Variants in TACR1 observed in about 807,000 individuals in gnomAD.
TACR1 encodes substance-P receptor.
A neutral mutation model predicts 35.8 loss-of-function variants in TACR1; 25 were observed. The observed-to-expected ratio is 0.70, with a 90% CI of 0.51 to 0.98. TACR1 has a LOEUF of 0.98. Ranked by LOEUF, TACR1 falls within the 50% of genes least tolerant of loss-of-function variation. TACR1 has a pLI of 0.00. For missense variants in TACR1, 478 were observed against 522.9 expected (o/e 0.91, Z 0.84); for synonymous variants, 195 against 206.7 (o/e 0.94, Z 0.48).
At chr2:75,056,251 A>G (rs375592697) in intron 2 of TACR1, among the ~76,000 whole-genome samples, 8 of 152,220 alleles carry the variant, frequency 5.3e-5, no homozygotes, top group Non-Finnish European at 1.2e-4. Flanking sequence ...TGTTTCAGGC[A>G]GAGCTAATTC....
chr2:75,151,245 C>T (rs1674662919), intron 1 of TACR1, among the ~76,000 whole-genome samples: 1 of 152,218 alleles, frequency 6.6e-6, no homozygotes, highest in African/African-American at 2.4e-5. Flanking sequence ...TCCCCAAGAC[C>T]ATGGGGAAAA....
At chr2:75,063,578 T>G (rs1441400930) in intron 2 of TACR1, among the ~76,000 whole-genome samples, 2 of 152,240 alleles carry the variant, frequency 1.3e-5, no homozygotes, top group Non-Finnish European at 2.9e-5. Flanking sequence ...GATTTAAATT[T>G]GCACTTGGAC....
rs145053954 is a variant in TACR1 at position 75,048,629 on chromosome 2, C to A, written c.*803G>T. 6.6e-6 allele frequency: 1 copy of A among 151,828 alleles called. No homozygotes were observed. The highest frequency in any genetic ancestry group is 1.5e-5 in the Non-Finnish European group (1 of 67,984). The allele number at this position is 151,828 out of a possible 1,614,324, so 9.4% of individuals were successfully genotyped here. ...AAAAACTCATACAATCCTTGAACCA[C>A]GGGATGTTAAGATTCGAAGGAACAC... On this transcript the variant is annotated 3_prime_UTR_variant, in exon 5 of 5. Coordinates refer to ENST00000305249, the MANE Select transcript of TACR1 (RefSeq NM_001058.4).
At chr2:75,084,371 T>G (rs539779749) in intron 2 of TACR1, among the ~76,000 whole-genome samples, 1 of 152,244 alleles carries the variant, frequency 6.6e-6, no homozygotes, top group African/African-American at 2.4e-5. Context: ...TCATCAGGGA[T>G]ATTGGTCTAA....
chr2:75,051,272 A>T lies in TACR1; in HGVS notation c.911T>A (p.Ile304Asn), dbSNP rs772444222. The change falls in exon 4 of 5, where the codon ATC (isoleucine) becomes AAC (asparagine). Residue 304 changes from isoleucine to asparagine, a missense_variant. Coordinates refer to ENST00000305249, the MANE Select transcript of TACR1 (RefSeq NM_001058.4). Reference sequence around the variant, plus strand: ...TCACCTGTCATTGAGGCAGCAGTAGATGATGGGGTTGTACATGGTGGAGCT... The same window carrying T: ...TCACCTGTCATTGAGGCAGCAGTAGTTGATGGGGTTGTACATGGTGGAGCT... Reference protein sequence around the residue: ...AMSSTMYNPIIYCCLNDRFRL... With the variant: ...AMSSTMYNPINYCCLNDRFRL... 1 of 1,614,218 alleles carries T rather than the reference A, an allele frequency of 6.2e-7. No homozygotes were observed. Among genetic ancestry groups the T allele is most frequent in the Admixed American group, 1.7e-5 (1 of 60,028 alleles).
chr2:75,113,739 G>T (rs923594870), intron 2 of TACR1, among the ~76,000 whole-genome samples: 2 of 151,908 alleles, frequency 1.3e-5, no homozygotes, highest in Non-Finnish European at 2.9e-5. Flanking sequence ...GGGGAAGAGA[G>T]TAATCACAAC....
chr2:75,138,572 A>C (rs1312080421), intron 1 of TACR1, among the ~76,000 whole-genome samples: 3 of 152,100 alleles, frequency 2.0e-5, no homozygotes, highest in Non-Finnish European at 4.4e-5. Flanking sequence ...AGTGTCACCC[A>C]GTTGATGTGG....
chr2:75,093,738 A>C (rs1265689323), intron 2 of TACR1, among the ~76,000 whole-genome samples: 18 of 152,240 alleles, frequency 1.2e-4, no homozygotes, highest in African/African-American at 4.1e-4. Context: ...ATAAATAAGA[A>C]TAATATATAT....
At chr2:75,061,004 G>C (rs962154844) in intron 2 of TACR1, among the ~76,000 whole-genome samples, 18 of 152,170 alleles carry the variant, frequency 1.2e-4, no homozygotes, top group Non-Finnish European at 2.9e-5. Context: ...GGGCAAAGTT[G>C]GTAGATTGCC....
intron 2 of TACR1, among the ~76,000 whole-genome samples, chr2:75,059,781 ATC>A (rs979680469): frequency 2.0e-5 from 3 of 152,114 alleles, no homozygotes; most frequent in Non-Finnish European, 4.4e-5. Context: ...TTTTGAGGCC[ATC>A]TCTCATTTGA....
chr2:75,083,061 C>G (rs1673122322), intron 2 of TACR1, among the ~76,000 whole-genome samples: 1 of 152,148 alleles, frequency 6.6e-6, no homozygotes, highest in Non-Finnish European at 1.5e-5. Flanking sequence ...GGTTTTAGGT[C>G]TAACATTTAA....
intron 2 of TACR1, among the ~76,000 whole-genome samples, chr2:75,120,286 G>C (rs1464242799): frequency 6.6e-6 from 1 of 152,086 alleles, no homozygotes; most frequent in African/African-American, 2.4e-5. Context: ...TCCCGGCAGG[G>C]TAATGTCTCT....
intron 2 of TACR1, among the ~76,000 whole-genome samples, chr2:75,093,857 G>A (rs1390914177): frequency 2.6e-5 from 4 of 152,116 alleles, no homozygotes; most frequent in African/African-American, 9.7e-5. Flanking sequence ...AAAGCTGAGT[G>A]TTTTTGCCTT....
intron 2 of TACR1, among the ~76,000 whole-genome samples, chr2:75,120,210 C>A (rs1236194040): frequency 6.6e-6 from 1 of 152,160 alleles, no homozygotes; most frequent in East Asian, 1.9e-4. Flanking sequence ...CTTCCTGCAA[C>A]CTGTGCAGGA....
chr2:75,123,296 T>G (rs1674008128), intron 1 of TACR1, among the ~76,000 whole-genome samples: 1 of 152,206 alleles, frequency 6.6e-6, no homozygotes, highest in African/African-American at 2.4e-5. Context: ...ATTGCCCTCT[T>G]TTAATATTAC....
At position 75,057,587 on chromosome 2, in the gene TACR1, G is replaced by A. The variant is rs565112138; in HGVS notation, c.585-3832C>T. 5.3e-5 allele frequency among the ~76,000 whole-genome samples: 8 copies of A among 152,348 alleles called. No homozygotes were observed. In the East Asian group the frequency reaches 1.3e-3, roughly 26 times the overall value. On this transcript the variant is annotated intron_variant, in intron 2 of 4. Transcript: ENST00000305249. ...GAATAAGTCAGACACAAAAGGAAAA[G>A]CATTGCAGGATTGCATTTATATGAT... is the stretch of plus-strand genomic sequence containing the variant.
intron 1 of TACR1, among the ~76,000 whole-genome samples, chr2:75,125,028 C>CT (rs1674046352): frequency 6.6e-6 from 1 of 152,218 alleles, no homozygotes; most frequent in African/African-American, 2.4e-5. Flanking sequence ...CGATCCCTTC[C>CT]TGGCTGTTCC....
At chr2:75,164,682 T>C (rs567820734) in intron 1 of TACR1, among the ~76,000 whole-genome samples, 88 of 152,326 alleles carry the variant, frequency 5.8e-4, no homozygotes, top group Middle Eastern at 3.4e-3. Flanking sequence ...GTAAAAGCAC[T>C]GAATTGATTT....
intron 1 of TACR1, among the ~76,000 whole-genome samples, chr2:75,156,659 G>A (rs1674866721): frequency 6.7e-6 from 1 of 149,372 alleles, no homozygotes; most frequent in African/African-American, 2.4e-5. Flanking sequence ...AGGCAGCACA[G>A]CCCTTCCAAC....
Sources: gnomAD v4.1 joint callset for allele counts (sites outside exome capture counted in the v4.1 genomes callset) on GRCh38, gnomAD v4.1.1 for gene constraint, MANE v1.5 for transcripts, NCBI Gene and HGNC (gene_info 2026-07-23, HGNC 2026-07-21) for gene names.